The following FTO variants were observed in gnomAD, a reference collection of about 807,000 sequenced individuals.
The protein encoded by FTO is FTO alpha-ketoglutarate dependent dioxygenase.
In FTO, 47 loss-of-function variants were observed where a neutral mutation model predicts 63.9. The observed-to-expected ratio is 0.74, with a 90% CI of 0.58 to 0.94. FTO has a LOEUF of 0.94. Ranked by LOEUF, FTO falls within the 40% of genes least tolerant of loss-of-function variation. The probability of loss-of-function intolerance (pLI) is 0.00; values close to 1 mark genes in which losing one functional copy is unlikely to be tolerated. For synonymous variants in FTO, 207 were observed against 224.4 expected, an observed-to-expected ratio of 0.92 and a Z score of 0.69; for missense variants, 562 against 618.1, an observed-to-expected ratio of 0.91 and a Z score of 0.96.
At chr16:53,899,780 G>A (rs2081357961) in intron 7 of FTO, among the ~76,000 whole-genome samples, 1 of 152,166 alleles carries the variant, frequency 6.6e-6, no homozygotes, top group South Asian at 2.1e-4. Context: ...CAAACCAGGG[G>A]AGACCTTTGG....
intron 8 of FTO, among the ~76,000 whole-genome samples, chr16:53,934,349 A>G (rs2082342872): frequency 1.3e-5 from 2 of 152,254 alleles, no homozygotes; most frequent in Admixed American, 1.3e-4. Context: ...CATTTAGCAT[A>G]AGTGTTTGCA....
chr16:53,933,881 T>C (rs1039263523), intron 7 of FTO, 104 bp from the exon 8 acceptor site: 1 of 1,121,276 alleles, frequency 8.9e-7, no homozygotes, highest in African/African-American at 1.6e-5. Context: ...GCAGGGGAAC[T>C]GTAATAAAAA....
intron 8 of FTO, among the ~76,000 whole-genome samples, chr16:53,985,742 T>C (rs1244955294): frequency 2.6e-5 from 4 of 152,178 alleles, no homozygotes; most frequent in African/African-American, 4.8e-5. Flanking sequence ...CTTTTTCTCC[T>C]TCCCCACCTC....
At chr16:53,997,158 G>C (rs1472232139) in intron 8 of FTO, among the ~76,000 whole-genome samples, 1 of 138,364 alleles carries the variant, frequency 7.2e-6, no homozygotes, top group Non-Finnish European at 1.6e-5. Flanking sequence ...GAGAGAGAGA[G>C]AGAGAAAAGA....
intron 8 of FTO, among the ~76,000 whole-genome samples, chr16:54,015,027 A>ATT (rs11388596): frequency 1.3e-5 from 2 of 149,798 alleles, no homozygotes; most frequent in African/African-American, 2.4e-5. Context: ...GGCTAATTAA[A>ATT]TTTTTTTTTT....
chr16:54,010,772 C>T (rs1038723309), intron 8 of FTO, among the ~76,000 whole-genome samples: 7 of 152,268 alleles, frequency 4.6e-5, no homozygotes, highest in African/African-American at 1.2e-4. Flanking sequence ...CCTGGGTGAA[C>T]GGCCAGGTGT....
intron 3 of FTO, among the ~76,000 whole-genome samples, chr16:53,839,037 G>C (rs764831580): frequency 1.3e-5 from 2 of 152,132 alleles, no homozygotes; most frequent in East Asian, 3.9e-4. Flanking sequence ...GTAGAGCCGT[G>C]GTTATAATTA....
intron 8 of FTO, among the ~76,000 whole-genome samples, chr16:53,997,616 G>C (rs2083971989): frequency 6.6e-6 from 1 of 151,978 alleles, no homozygotes; most frequent in African/African-American, 2.4e-5. Flanking sequence ...CAAAACAGAG[G>C]GGACGTGTTA....
chr16:53,849,297 G>A lies in FTO; in HGVS notation c.895+4999G>A, dbSNP rs545776642. 1.2e-4 allele frequency among the ~76,000 whole-genome samples: 19 copies of A among 152,256 alleles called. 1 individual carries two copies. The South Asian group carries it at 2.5e-3, about 20-fold the overall frequency. ...CAAATAAGAAAATGTATGGGAATAGGCTTTGCAAGCTATAATTTGTAAGTG... is the reference window on the plus strand; with the variant it reads ...CAAATAAGAAAATGTATGGGAATAGACTTTGCAAGCTATAATTTGTAAGTG... On this transcript the variant is annotated intron_variant, in intron 4 of 8. Transcript: ENST00000471389.
intron 8 of FTO, chr16:53,937,497 A>G: frequency 2.6e-6 from 1 of 380,780 alleles, no homozygotes; most frequent in Non-Finnish European, 4.6e-6. Flanking sequence ...AGGAAAAGGC[A>G]GAAAAAGAGC....
At chr16:53,997,603 A>G (rs1266120444) in intron 8 of FTO, among the ~76,000 whole-genome samples, 1 of 152,062 alleles carries the variant, frequency 6.6e-6, no homozygotes, top group Non-Finnish European at 1.5e-5. Context: ...GTGGTGCAGT[A>G]TACAAAACAG....
chr16:54,041,806 CTCTTCTGCA>C (rs1399746341), intron 8 of FTO, among the ~76,000 whole-genome samples: 1 of 152,212 alleles, frequency 6.6e-6, no homozygotes, highest in Non-Finnish European at 1.5e-5. Flanking sequence ...TGCACGCTGG[CTCTTCTGCA>C]AGACACACGA....
intron 8 of FTO, among the ~76,000 whole-genome samples, chr16:53,988,482 C>G (rs1233479237): frequency 2.6e-5 from 4 of 152,072 alleles, no homozygotes; most frequent in Non-Finnish European, 4.4e-5. Context: ...GACTAGAATG[C>G]TTGTTTCTCT....
At chr16:53,816,794 C>A (rs138835680) in intron 2 of FTO, among the ~76,000 whole-genome samples, 1 of 152,066 alleles carries the variant, frequency 6.6e-6, no homozygotes, top group Non-Finnish European at 1.5e-5. Context: ...TCTAAAATAC[C>A]GTATATTTTA....
intron 6 of FTO, among the ~76,000 whole-genome samples, chr16:53,885,773 T>C (rs2151901493): frequency 6.6e-6 from 1 of 152,266 alleles, no homozygotes; most frequent in East Asian, 1.9e-4. Context: ...TTTAGAGACA[T>C]GGCCTCACTG....
Position 53,958,716 on chromosome 16 carries a change from G to T in FTO, c.1364+24607G>T, listed in dbSNP as rs191591081. Among the ~76,000 whole-genome samples, 738 of 152,288 alleles carry T rather than the reference G, an allele frequency of 4.8e-3. 20 individuals carry two copies. The highest frequency in any genetic ancestry group is 0.045 in the Admixed American group (696 of 15,298). On this transcript the variant is annotated intron_variant, in intron 8 of 8. Coordinates refer to ENST00000471389, the MANE Select transcript of FTO (RefSeq NM_001080432.3). ...GGCTGGTGGCCTCGGGAAAGCTGCCGAAGCCAAAGTGAATTGTCTCATTTC... is the reference window on the plus strand; with the variant it reads ...GGCTGGTGGCCTCGGGAAAGCTGCCTAAGCCAAAGTGAATTGTCTCATTTC...
intron 4 of FTO, among the ~76,000 whole-genome samples, chr16:53,857,161 G>A (rs1484572105): frequency 6.6e-6 from 1 of 152,010 alleles, no homozygotes; most frequent in Admixed American, 6.6e-5. Flanking sequence ...TAGGGGTTTA[G>A]TATACAGATT....
intron 4 of FTO, 25 bp downstream of exon 4, chr16:53,844,323 T>C (rs2079559321): frequency 6.3e-7 from 1 of 1,575,874 alleles, no homozygotes. Flanking sequence ...ATCAAAATTA[T>C]ATTGAAACTC....
chr16:53,732,194 G>A (rs574010396), intron 1 of FTO, among the ~76,000 whole-genome samples: 33 of 151,724 alleles, frequency 2.2e-4, no homozygotes, highest in African/African-American at 6.8e-4. Flanking sequence ...GACTACAGGC[G>A]CCCGCCACCA....
Sources: allele counts gnomAD v4.1 joint callset (sites outside exome capture counted in the v4.1 genomes callset), GRCh38; gene constraint gnomAD v4.1.1; transcripts MANE v1.5; gene names NCBI Gene and HGNC (gene_info 2026-07-23, HGNC 2026-07-21).